Variants in KAZN observed in about 807,000 individuals in gnomAD.
The protein encoded by KAZN is kazrin.
In KAZN, 40 loss-of-function variants were observed where a neutral mutation model predicts 87.4. The observed-to-expected ratio is 0.46, with a 90% CI of 0.36 to 0.60. The LOEUF (loss-of-function observed/expected upper bound fraction) is 0.60, where lower values mean the gene tolerates loss of function less well. Among genes scored for constraint, KAZN ranks in the 20% least tolerant of loss-of-function variants. KAZN has a pLI of 0.00. For missense variants in KAZN, 898 were observed against 1,073.9 expected, an observed-to-expected ratio of 0.84 and a Z score of 2.29; for synonymous variants, 466 against 458.3, an observed-to-expected ratio of 1.02 and a Z score of -0.22.
chr1:14,451,146 A>G (rs753237925), intron 2 of KAZN, among the ~76,000 whole-genome samples: 1 of 152,150 alleles, frequency 6.6e-6, no homozygotes, highest in Non-Finnish European at 1.5e-5. Context: ...CCACGAGCCA[A>G]TCAAACCTCT....
chr1:14,809,063 C>T (rs930287826), intron 1 of KAZN, among the ~76,000 whole-genome samples: 1 of 152,166 alleles, frequency 6.6e-6, no homozygotes, highest in East Asian at 1.9e-4. Flanking sequence ...TCAGAAATTC[C>T]TAAGCTAATT....
chr1:14,840,288 T>C (rs1009439904), intron 1 of KAZN, among the ~76,000 whole-genome samples: 9 of 152,082 alleles, frequency 5.9e-5, no homozygotes, highest in African/African-American at 1.9e-4. Flanking sequence ...GGGTGGGGGA[T>C]CTAATCACAC....
intron 7 of KAZN, among the ~76,000 whole-genome samples, chr1:15,065,157 T>C (rs1247766608): frequency 2.0e-5 from 3 of 150,042 alleles, no homozygotes; most frequent in African/African-American, 7.4e-5. Context: ...GCCTCTCAAG[T>C]AGCTGGGATG....
intron 2 of KAZN, among the ~76,000 whole-genome samples, chr1:14,302,802 T>A (rs1654643943): frequency 6.6e-6 from 1 of 152,182 alleles, no homozygotes; most frequent in African/African-American, 2.4e-5. Flanking sequence ...TAAAATTGTA[T>A]CTTACTTCTT....
intron 2 of KAZN, among the ~76,000 whole-genome samples, chr1:14,353,223 C>G (rs1176699196): frequency 7.1e-6 from 1 of 141,258 alleles, no homozygotes; most frequent in East Asian, 2.1e-4. Context: ...CAGATGACAT[C>G]ACTTTTTTTT....
chr1:14,088,003 T>C (rs1036840340), intron 1 of KAZN, among the ~76,000 whole-genome samples: 80 of 150,608 alleles, frequency 5.3e-4, no homozygotes, highest in African/African-American at 1.9e-3. Context: ...TGTTTTTTTT[T>C]TTTTTCTTGA....
intron 1 of KAZN, among the ~76,000 whole-genome samples, chr1:14,754,762 A>C (rs1271497029): frequency 1.3e-5 from 2 of 152,030 alleles, no homozygotes; most frequent in Non-Finnish European, 2.9e-5. Context: ...GGGAGAGAAA[A>C]GTGTGCTGAG....
chr1:14,907,547 T>C (rs921998018), intron 1 of KAZN, among the ~76,000 whole-genome samples: 17 of 152,044 alleles, frequency 1.1e-4, no homozygotes, highest in Non-Finnish European at 2.2e-4. Flanking sequence ...CCGAAGACCC[T>C]TGGATGCCTA....
chr1:13,908,421 C>T (rs571630361), intron 1 of KAZN, among the ~76,000 whole-genome samples: 2 of 150,912 alleles, frequency 1.3e-5, no homozygotes, highest in East Asian at 1.9e-4. Context: ...TTGGCCTTGA[C>T]GGCTCTTTGG....
At chr1:14,720,006 C>T (rs1643012301) in intron 1 of KAZN, among the ~76,000 whole-genome samples, 1 of 152,102 alleles carries the variant, frequency 6.6e-6, no homozygotes, top group African/African-American at 2.4e-5. Context: ...GACAGGAGGG[C>T]AGCAAGCTAA....
rs186650783 is a variant in KAZN at position 14,861,412 on chromosome 1, G to A, written c.227-99272G>A. Among the ~76,000 whole-genome samples the A allele has an allele frequency of 1.0e-2, 1,515 of 152,238 alleles. 25 individuals carry two copies. The highest frequency in any genetic ancestry group is 0.014 in the Non-Finnish European group (939 of 68,018). Reference sequence around the variant, plus strand: ...TAAAGCAATGGCAAAAACTGCAAACGCTTTTGCACCAACCTAATAGAAATA... The same window carrying A: ...TAAAGCAATGGCAAAAACTGCAAACACTTTTGCACCAACCTAATAGAAATA... On this transcript the variant is annotated intron_variant, in intron 1 of 14. Transcript: ENST00000376030.
At chr1:14,489,355 TTA>T (rs919109690) in intron 2 of KAZN, among the ~76,000 whole-genome samples, 1 of 152,054 alleles carries the variant, frequency 6.6e-6, no homozygotes, top group Non-Finnish European at 1.5e-5. Flanking sequence ...CGGGATAAAA[TTA>T]TATATATATA....
chr1:14,403,559 C>A (rs1663592998), intron 2 of KAZN, among the ~76,000 whole-genome samples: 1 of 151,960 alleles, frequency 6.6e-6, no homozygotes, highest in African/African-American at 2.4e-5. Flanking sequence ...TTTTCAACAT[C>A]AATAAGAAAA....
At chr1:14,276,368 T>C (rs1317568760) in intron 2 of KAZN, among the ~76,000 whole-genome samples, 2 of 152,154 alleles carry the variant, frequency 1.3e-5, no homozygotes, top group Non-Finnish European at 2.9e-5. Context: ...TTTATTAAGA[T>C]GGTGAATTAC....
intron 1 of KAZN, among the ~76,000 whole-genome samples, chr1:14,682,383 G>T (rs1640722649): frequency 6.6e-6 from 1 of 151,750 alleles, no homozygotes; most frequent in Admixed American, 6.6e-5. Flanking sequence ...GACCTCCTGG[G>T]CTCAAGCAAT....
chr1:14,448,688 G>C (rs1454870503), intron 2 of KAZN, among the ~76,000 whole-genome samples: 1 of 152,212 alleles, frequency 6.6e-6, no homozygotes, highest in Non-Finnish European at 1.5e-5. Flanking sequence ...GAATGGCCCT[G>C]TACAGAATAG....
chr1:14,498,943 C>T (rs1056440190), intron 2 of KAZN, among the ~76,000 whole-genome samples: 12 of 152,028 alleles, frequency 7.9e-5, no homozygotes, highest in Admixed American at 3.3e-4. Flanking sequence ...TGCCTGTCCT[C>T]GGTGCTTTGT....
At chr1:14,907,160 C>T (rs1034183847) in intron 1 of KAZN, among the ~76,000 whole-genome samples, 2 of 151,872 alleles carry the variant, frequency 1.3e-5, no homozygotes, top group African/African-American at 4.8e-5. Context: ...CTTTGGGAGG[C>T]CGAGGCTGGT....
chr1:14,115,807 C>T (rs1644604007), intron 1 of KAZN, among the ~76,000 whole-genome samples: 1 of 152,098 alleles, frequency 6.6e-6, no homozygotes, highest in African/African-American at 2.4e-5. Flanking sequence ...TAGCTTTGCC[C>T]AAAATGCTGA....
Sources: allele counts gnomAD v4.1 joint callset (sites outside exome capture counted in the v4.1 genomes callset), GRCh38; gene constraint gnomAD v4.1.1; transcripts MANE v1.5; gene names NCBI Gene and HGNC (gene_info 2026-07-23, HGNC 2026-07-21).